ACSM3: variants seen among roughly 807,000 people sequenced by gnomAD.
The protein encoded by ACSM3 is acyl-coenzyme A synthetase ACSM3, mitochondrial.
In ACSM3, 61 loss-of-function variants were observed where a neutral mutation model predicts 74.1. That is an observed-to-expected ratio of 0.82 (90% confidence interval 0.67 to 1.02). The LOEUF is 1.02. Ranked by LOEUF, ACSM3 falls within the 50% of genes least tolerant of loss-of-function variation. The probability of loss-of-function intolerance (pLI) is 0.00; values close to 1 mark genes in which losing one functional copy is unlikely to be tolerated. For synonymous variants in ACSM3, 213 were observed against 241.5 expected (o/e 0.88, Z 1.09); for missense variants, 660 against 697.0 (o/e 0.95, Z 0.60).
chr16:20,766,872 G>C (rs2080131739), intron 1 of ACSM3, among the ~76,000 whole-genome samples: 1 of 152,134 alleles, frequency 6.6e-6, no homozygotes, highest in South Asian at 2.1e-4. Context: ...TGTGTATTCT[G>C]TGCTACCTGT....
chr16:20,690,439 T>C (rs1477803044), intron 1 of ACSM3, among the ~76,000 whole-genome samples: 1 of 152,226 alleles, frequency 6.6e-6, no homozygotes, highest in Non-Finnish European at 1.5e-5. Flanking sequence ...TTGGTTTTTC[T>C]TGACATACCT....
At chr16:20,727,055 T>C (rs1369038215) in intron 1 of ACSM3, among the ~76,000 whole-genome samples, 1 of 152,222 alleles carries the variant, frequency 6.6e-6, no homozygotes, top group Non-Finnish European at 1.5e-5. Context: ...GCACTTAGTA[T>C]CATTAATAGC....
chr16:20,680,765 C>A (rs932643955), intron 1 of ACSM3: 1 of 152,216 alleles, frequency 6.6e-6, no homozygotes, highest in Non-Finnish European at 1.5e-5. Context: ...CCATTCTCTA[C>A]CCTAAGCCAC....
chr16:20,678,583 A>G (rs1369222138), intron 1 of ACSM3, among the ~76,000 whole-genome samples: 3 of 152,246 alleles, frequency 2.0e-5, no homozygotes, highest in South Asian at 2.1e-4. Context: ...CAGAGAAGGA[A>G]CTAGAGGTGA....
chr16:20,793,775 G>A (rs565681433), intron 12 of ACSM3, among the ~76,000 whole-genome samples: 90 of 152,260 alleles, frequency 5.9e-4, no homozygotes, highest in African/African-American at 2.0e-3. Context: ...GAACATCATC[G>A]GCAAGGTTTC....
chr16:20,705,442 T>TC (rs1567320158), intron 1 of ACSM3, among the ~76,000 whole-genome samples: 1 of 151,140 alleles, frequency 6.6e-6, no homozygotes, highest in Non-Finnish European at 1.5e-5. Flanking sequence ...TTAGGAAAAG[T>TC]CTACCTTTGA....
chr16:20,706,345 T>A (rs2079728215), intron 1 of ACSM3, among the ~76,000 whole-genome samples: 1 of 152,184 alleles, frequency 6.6e-6, no homozygotes, highest in Admixed American at 6.5e-5. Flanking sequence ...ATTACACATG[T>A]GGGACAATTG....
Position 20,697,952 on chromosome 16 carries a change from T to C in ACSM3, c.-190+23130T>C, listed in dbSNP as rs532637208. ...GCTCGCGCCTGTAATCCCAGCACAT[T>C]GGGAGGCCGAGGCGGGCGGATCACG... On this transcript the variant is annotated intron_variant, in intron 1 of 3. Coordinates refer to the ACSM3 transcript ENST00000561584. Among the ~76,000 whole-genome samples the C allele has an allele frequency of 5.4e-3, 822 of 152,060 alleles. 9 individuals are homozygous for C. The highest frequency in any genetic ancestry group is 0.019 in the African/African-American group (779 of 41,506).
intron 1 of ACSM3, among the ~76,000 whole-genome samples, chr16:20,768,442 T>C (rs985863353): frequency 6.6e-6 from 1 of 152,190 alleles, no homozygotes; most frequent in East Asian, 1.9e-4. Flanking sequence ...GAGTGGGGCC[T>C]GAGAATGTGC....
Position 20,729,374 on chromosome 16 carries a change from CT to C in ACSM3, c.-189-20535del, listed in dbSNP as rs536876015. 1.0e-4 allele frequency: 137 copies of C among 1,331,474 alleles called. 1 individual carries two copies. In the South Asian group the frequency reaches 1.5e-3, roughly 15 times the overall value. The allele number at this position is 1,331,474 out of a possible 1,614,324, so 82.5% of individuals were successfully genotyped here. A position where few individuals can be genotyped will look rare whatever the true frequency, so the allele number is the denominator to read the frequency against. ...TTCCTCTGGGTTTGTAGATTTGCCA[CT>C]CTTAAGAGGCAAGGATTGACAGGGG... is the stretch of plus-strand genomic sequence containing the variant. On this transcript the variant is annotated intron_variant, in intron 1 of 3. Transcript: ENST00000561584.
At chr16:20,763,294 A>G (rs2080092288), upstream of ACSM3, among the ~76,000 whole-genome samples, 1 of 152,250 alleles carries the variant, frequency 6.6e-6, no homozygotes, top group African/African-American at 2.4e-5. Flanking sequence ...GCTACTTTAG[A>G]AAATGAGGTA....
intron 1 of ACSM3, among the ~76,000 whole-genome samples, chr16:20,744,013 G>A (rs941536961): frequency 2.0e-5 from 3 of 152,192 alleles, no homozygotes; most frequent in African/African-American, 4.8e-5. Context: ...ATTTAAGTTT[G>A]GCCTAAATCA....
chr16:20,712,531 T>C (rs923739251), intron 1 of ACSM3, among the ~76,000 whole-genome samples: 3 of 152,106 alleles, frequency 2.0e-5, no homozygotes, highest in African/African-American at 7.2e-5. Context: ...TGAGAAAGTG[T>C]TTCCTAAGAT....
rs1194574784 is a variant in ACSM3 at position 20,770,238 on chromosome 16, G to GAC, written c.205_206dup (p.Asp70LeufsTer55). 1 of 1,613,866 alleles carries GAC rather than the reference G, an allele frequency of 6.2e-7. No individual in the cohort carries two copies. Among genetic ancestry groups the GAC allele is most frequent in the Non-Finnish European group, 8.5e-7 (1 of 1,179,926 alleles). On this transcript the variant is annotated frameshift_variant, in exon 2 of 14. Transcript: ENST00000289416. LOFTEE classifies it high-confidence loss of function. ...TTGCTAAAGATGTCCTGGACCAATG[G>GAC]ACTGATAAGGAAAAGGTATGGGGGG... is the stretch of plus-strand genomic sequence containing the variant.
chr16:20,760,471 G>A (rs963694312), upstream of ACSM3, among the ~76,000 whole-genome samples: 4 of 152,076 alleles, frequency 2.6e-5, 1 homozygote, highest in East Asian at 3.9e-4. Context: ...AGTAAGTTAC[G>A]GAAGAGAGAA....
intron 1 of ACSM3, chr16:20,680,597 T>C (rs113971770): frequency 6.6e-6 from 1 of 152,176 alleles, no homozygotes; most frequent in East Asian, 1.9e-4. Flanking sequence ...ACCTCCATAA[T>C]TGGAAAGTAC....
At chr16:20,774,033 G>A (rs961354484) in intron 2 of ACSM3, among the ~76,000 whole-genome samples, 2 of 152,096 alleles carry the variant, frequency 1.3e-5, no homozygotes, top group African/African-American at 4.8e-5. Context: ...ATATCCAGGT[G>A]CACTGATGTT....
At chr16:20,685,399 C>A in intron 1 of ACSM3, 1 of 1,613,972 alleles carries the variant, frequency 6.2e-7, no homozygotes, top group Non-Finnish European at 8.5e-7. Flanking sequence ...ACCTCTCTTG[C>A]CCTCCTGGTC....
intron 1 of ACSM3, among the ~76,000 whole-genome samples, chr16:20,696,882 G>A (rs543670472): frequency 5.9e-5 from 9 of 152,322 alleles, no homozygotes; most frequent in African/African-American, 2.2e-4. Context: ...GTTTGTCTCT[G>A]TTGTCTAGCA....
Sources: gnomAD v4.1 joint callset for allele counts (sites outside exome capture counted in the v4.1 genomes callset) on GRCh38, gnomAD v4.1.1 for gene constraint, MANE v1.5 for transcripts, NCBI Gene and HGNC (gene_info 2026-07-23, HGNC 2026-07-21) for gene names.